The following CNTNAP2 variants were observed in gnomAD, a reference collection of about 807,000 sequenced individuals.
The protein encoded by CNTNAP2 is contactin associated protein 2, also known as contactin-associated protein-like 2.
Under a neutral mutation model 155.2 loss-of-function variants are expected in CNTNAP2, and 98 were observed. The ratio of observed to expected loss-of-function variants is 0.63; its 90% CI spans 0.54 to 0.75. The LOEUF is 0.75. Among genes scored for constraint, CNTNAP2 ranks in the 30% least tolerant of loss-of-function variants. The probability of loss-of-function intolerance (pLI) is 0.00; values close to 1 mark genes in which losing one functional copy is unlikely to be tolerated. For missense variants in CNTNAP2, 1,727 were observed against 1,688.1 expected, an observed-to-expected ratio of 1.02 and a Z score of -0.40; for synonymous variants, 651 against 631.2, an observed-to-expected ratio of 1.03 and a Z score of -0.47.
chr7:147,746,462 G>A (rs188592956), intron 13 of CNTNAP2, among the ~76,000 whole-genome samples: 5 of 152,196 alleles, frequency 3.3e-5, no homozygotes, highest in African/African-American at 9.6e-5. Context: ...CCGCTGGGAC[G>A]AGGACGAAAT....
intron 10 of CNTNAP2, among the ~76,000 whole-genome samples, chr7:147,428,973 A>C (rs1413914369): frequency 2.0e-5 from 3 of 152,026 alleles, no homozygotes. Flanking sequence ...TAATATTCTT[A>C]AGTCTTTGCA....
At chr7:147,806,428 C>T (rs923476814) in intron 13 of CNTNAP2, among the ~76,000 whole-genome samples, 7 of 152,080 alleles carry the variant, frequency 4.6e-5, no homozygotes, top group Admixed American at 3.9e-4. Context: ...TGGAAAACAG[C>T]ATAAAGGTTT....
At chr7:147,365,438 A>C (rs1796214805) in intron 9 of CNTNAP2, among the ~76,000 whole-genome samples, 2 of 151,576 alleles carry the variant, frequency 1.3e-5, no homozygotes, top group African/African-American at 2.4e-5. Flanking sequence ...AGAAATATAA[A>C]GTCGTTCCTA....
chr7:146,317,195 G>A (rs991826356), intron 1 of CNTNAP2, among the ~76,000 whole-genome samples: 1 of 151,978 alleles, frequency 6.6e-6, no homozygotes, highest in Non-Finnish European at 1.5e-5. Context: ...ATTAAAATTA[G>A]AAGTTAGCAG....
intron 14 of CNTNAP2, among the ~76,000 whole-genome samples, chr7:147,913,881 T>C (rs988039301): frequency 6.6e-6 from 1 of 152,262 alleles, no homozygotes; most frequent in African/African-American, 2.4e-5. Context: ...AAACATAACC[T>C]TTAGTACAAC....
chr7:147,156,068 TAC>T (rs1469277719), intron 8 of CNTNAP2, among the ~76,000 whole-genome samples: 1 of 152,120 alleles, frequency 6.6e-6, no homozygotes, highest in East Asian at 1.9e-4. Context: ...CCTCACGCCT[TAC>T]AGTCTTCCTC....
At chr7:146,998,428 C>G (rs969536326) in intron 3 of CNTNAP2, among the ~76,000 whole-genome samples, 2 of 151,824 alleles carry the variant, frequency 1.3e-5, no homozygotes, top group African/African-American at 4.8e-5. Flanking sequence ...CTTGTGGAGG[C>G]TTGTTTGATG....
At chr7:147,260,419 AT>A (rs1489260571) in intron 8 of CNTNAP2, among the ~76,000 whole-genome samples, 3 of 152,200 alleles carry the variant, frequency 2.0e-5, no homozygotes, top group African/African-American at 4.8e-5. Flanking sequence ...TTTTAATATT[AT>A]GGGGAAAAAT....
At chr7:146,940,786 G>A (rs1466155240) in intron 3 of CNTNAP2, among the ~76,000 whole-genome samples, 1 of 151,166 alleles carries the variant, frequency 6.6e-6, no homozygotes, top group African/African-American at 2.4e-5. Flanking sequence ...TACAGTTGCT[G>A]TATATATAGT....
intron 13 of CNTNAP2, among the ~76,000 whole-genome samples, chr7:147,653,266 G>A (rs1795475108): frequency 6.6e-6 from 1 of 151,600 alleles, no homozygotes; most frequent in Admixed American, 6.6e-5. Context: ...TTCTTTTTTT[G>A]ATCTTTTCAG....
intron 13 of CNTNAP2, among the ~76,000 whole-genome samples, chr7:147,814,270 A>G (rs748687963): frequency 2.0e-5 from 3 of 152,222 alleles, no homozygotes; most frequent in Non-Finnish European, 4.4e-5. Flanking sequence ...AATTTACATT[A>G]GTAACATCCC....
Position 147,242,987 on chromosome 7 carries a change from A to ATTTTTTTTTTTTTTTTTTT in CNTNAP2, c.1349-57143_1349-57125dup, listed in dbSNP as rs766917054. Among the ~76,000 whole-genome samples, 40 of 47,166 alleles carry ATTTTTTTTTTTTTTTTTTT rather than the reference A, an allele frequency of 8.5e-4. 12 individuals carry two copies. The highest frequency in any genetic ancestry group is 2.6e-3 in the South Asian group (2 of 770). 30.9% of individuals were successfully genotyped at this position (47,166 alleles called of 152,430 possible). ...TGTTGTATTCCACACTATGCTTTGCATTTTTTTTTTTTTTTTTTTTTTTTT... is the reference window on the plus strand; with the variant it reads ...TGTTGTATTCCACACTATGCTTTGCATTTTTTTTTTTTTTTTTTTTTTTTTTTTTTTTTTTTTTTTTTTT... On this transcript the variant is annotated intron_variant, in intron 8 of 23. Transcript: ENST00000361727.
chr7:147,685,312 A>G (rs1317947312), intron 13 of CNTNAP2, among the ~76,000 whole-genome samples: 2 of 151,986 alleles, frequency 1.3e-5, no homozygotes, highest in Non-Finnish European at 2.9e-5. Flanking sequence ...CTGAAAAATC[A>G]TTTTTATACT....
chr7:147,327,101 C>G (rs578142356), intron 9 of CNTNAP2, among the ~76,000 whole-genome samples: 2 of 151,670 alleles, frequency 1.3e-5, no homozygotes, highest in Admixed American at 1.3e-4. Context: ...CATCATAAAA[C>G]CCCAAAGCTG....
chr7:147,003,029 G>A (rs1798456480), intron 3 of CNTNAP2, among the ~76,000 whole-genome samples: 1 of 150,778 alleles, frequency 6.6e-6, no homozygotes, highest in African/African-American at 2.4e-5. Flanking sequence ...TAACAGAAAA[G>A]GGTTGTATCT....
intron 14 of CNTNAP2, among the ~76,000 whole-genome samples, chr7:147,912,245 T>A (rs79674535): frequency 0.013 from 1,995 of 152,268 alleles, 52 homozygotes; most frequent in African/African-American, 0.046. Context: ...TAGTAAATGC[T>A]CAAGAAATAT....
intron 8 of CNTNAP2, among the ~76,000 whole-genome samples, chr7:147,298,667 G>C (rs1794883283): frequency 6.6e-6 from 1 of 152,130 alleles, no homozygotes; most frequent in Admixed American, 6.5e-5. Context: ...GTAGTAAATA[G>C]CCTAGGCTTT....
chr7:146,546,320 A>G (rs1374358829), intron 1 of CNTNAP2, among the ~76,000 whole-genome samples: 1 of 152,000 alleles, frequency 6.6e-6, no homozygotes, highest in Non-Finnish European at 1.5e-5. Context: ...TGCGTGTGGC[A>G]TTCAAGTTTT....
At chr7:146,257,994 G>A (rs1357618312) in intron 1 of CNTNAP2, among the ~76,000 whole-genome samples, 5 of 151,908 alleles carry the variant, frequency 3.3e-5, no homozygotes, top group African/African-American at 1.2e-4. Flanking sequence ...GGGTTCAAGC[G>A]ATTCTCCTGT....
Sources: gnomAD v4.1 joint callset for allele counts (sites outside exome capture counted in the v4.1 genomes callset) on GRCh38, gnomAD v4.1.1 for gene constraint, MANE v1.5 for transcripts, NCBI Gene and HGNC (gene_info 2026-07-23, HGNC 2026-07-21) for gene names.